Variants in METRNL observed in about 807,000 individuals in gnomAD.
METRNL encodes the protein meteorin-like protein.
In METRNL, 9 loss-of-function variants were observed where a neutral mutation model predicts 17.4. That is an observed-to-expected ratio of 0.52 (90% confidence interval 0.31 to 0.90). The LOEUF (loss-of-function observed/expected upper bound fraction) is 0.90. Ranked by LOEUF, METRNL falls within the 40% of genes least tolerant of loss-of-function variation. The pLI is 0.05. For missense variants in METRNL, 408 were observed against 430.7 expected (o/e 0.95, Z 0.47); for synonymous variants, 215 against 199.3 (o/e 1.08, Z -0.66).
intron 2 of METRNL, among the ~76,000 whole-genome samples, chr17:83,091,433 G>C (rs2038135276): frequency 6.6e-6 from 1 of 152,224 alleles, no homozygotes; most frequent in Non-Finnish European, 1.5e-5. Context: ...GGTCCACAAA[G>C]ACCTGCGCTT....
In METRNL at chr17:83,084,947, G is replaced by A. The variant is rs142958607; in HGVS notation, c.180G>A (p.Thr60=). ...DRCSWKGSGL[T]HEAHRKEVEQ... is the part of the protein sequence containing the mutation. ...TGTCTCTCCTCTGCAGCGGGCTGACGCACGAGGCACACAGGAAGGAGGTGG... is the reference window on the plus strand; with the variant it reads ...TGTCTCTCCTCTGCAGCGGGCTGACACACGAGGCACACAGGAAGGAGGTGG... Residue 60 remains threonine, a synonymous_variant, in exon 2 of 4, where the codon ACG becomes ACA. Coordinates refer to ENST00000320095, the MANE Select transcript of METRNL (RefSeq NM_001004431.3). The A allele has an allele frequency of 4.7e-5, 75 of 1,610,630 alleles. No homozygotes were observed. Among genetic ancestry groups the A allele is most frequent in the African/African-American group, 1.1e-4 (8 of 74,896 alleles).
chr17:83,085,140 G>A lies in METRNL; in HGVS notation c.373G>A (p.Gly125Arg). Residue 125 changes from glycine (G) to arginine (R), a missense_variant, in exon 2 of 4, where the codon GGA (glycine) becomes AGA (arginine). Physicochemically the swap from Gly to Arg is moderately radical, Grantham distance 125. Coordinates refer to ENST00000320095, the MANE Select transcript of METRNL (RefSeq NM_001004431.3). The part of the protein sequence containing the change: ...SGANIYLEKT[G>R]ELRLLVPDGD... ...GGCCAATATTTATTTGGAAAAAACT[G>A]GAGAACTGAGACTGCTGGTACCAGA... 6.2e-7 allele frequency: 1 copy of A among 1,613,538 alleles called. No homozygotes were observed. Among genetic ancestry groups the A allele is most frequent in the Non-Finnish European group, 8.5e-7 (1 of 1,179,950 alleles).
rs1464686183 is a variant in METRNL at position 83,090,130 on chromosome 17, AGCC to A, written c.557-3036_557-3034del. Among the ~76,000 whole-genome samples the A allele has an allele frequency of 4.5e-3, 675 of 148,736 alleles. 33 individuals carry two copies. The highest frequency in any genetic ancestry group is 6.7e-3 in the Non-Finnish European group (447 of 67,104). ...GTGGGCTCCCCTGCCCCAGGGTGGG[AGCC>A]ACACACCCCCGCCCCGCCCCAGGGT... is the stretch of plus-strand genomic sequence containing the variant. On this transcript the variant is annotated intron_variant, in intron 2 of 3. Transcript: ENST00000320095.
chr17:83,089,198 C>T (rs375982303), intron 2 of METRNL, among the ~76,000 whole-genome samples: 7 of 152,224 alleles, frequency 4.6e-5, no homozygotes, highest in Admixed American at 2.0e-4. Context: ...CTTGGGTCCT[C>T]GAGCCCACTG....
chr17:83,085,857 C>T (rs1480944211), intron 2 of METRNL, among the ~76,000 whole-genome samples: 1 of 152,214 alleles, frequency 6.6e-6, no homozygotes, highest in African/African-American at 2.4e-5. Context: ...GGCTAAAGAC[C>T]CTGAAACGTC....
intron 1 of METRNL, chr17:83,084,693 G>A (rs1051899525): frequency 7.6e-5 from 42 of 550,038 alleles, no homozygotes; most frequent in Admixed American, 7.4e-4. Context: ...GCTCGGCCCC[G>A]CCCCACCATG....
chr17:83,091,268 A>G (rs1028646978), intron 2 of METRNL, among the ~76,000 whole-genome samples: 2 of 151,048 alleles, frequency 1.3e-5, no homozygotes, highest in South Asian at 2.1e-4. Context: ...CAGGCTGTGC[A>G]GTTTCTTTTT....
At chr17:83,089,160 G>A (rs2038086701) in intron 2 of METRNL, among the ~76,000 whole-genome samples, 4 of 152,242 alleles carry the variant, frequency 2.6e-5, no homozygotes, top group Admixed American at 2.0e-4. Flanking sequence ...GATGATGGTG[G>A]CCTTGAGGGG....
chr17:83,089,810 G>A (rs2038096438), intron 2 of METRNL, among the ~76,000 whole-genome samples: 1 of 152,146 alleles, frequency 6.6e-6, no homozygotes, highest in Non-Finnish European at 1.5e-5. Flanking sequence ...GTAAAGCTCA[G>A]AATCAGAACA....
At chr17:83,089,593 C>T (rs1352678757) in intron 2 of METRNL, among the ~76,000 whole-genome samples, 1 of 152,100 alleles carries the variant, frequency 6.6e-6, no homozygotes, top group East Asian at 1.9e-4. Flanking sequence ...GTCCACACCC[C>T]AGCCCTCCCC....
chr17:83,087,527 C>A (rs1315550532), intron 2 of METRNL, among the ~76,000 whole-genome samples: 1 of 152,164 alleles, frequency 6.6e-6, no homozygotes, highest in African/African-American at 2.4e-5. Flanking sequence ...GAGGCTGATA[C>A]CTCTCCTCTC....
At chr17:83,090,089 G>A (rs952429987) in intron 2 of METRNL, among the ~76,000 whole-genome samples, 2 of 151,170 alleles carry the variant, frequency 1.3e-5, no homozygotes, top group Non-Finnish European at 3.0e-5. Flanking sequence ...GGGGTGGGAC[G>A]CATGTGGCTG....
chr17:83,081,632 A>C (rs1315075400), intron 1 of METRNL, among the ~76,000 whole-genome samples: 1 of 151,942 alleles, frequency 6.6e-6, no homozygotes, highest in Non-Finnish European at 1.5e-5. Flanking sequence ...CATCGTTGCC[A>C]GTCCTGGCCT....
At chr17:83,080,674 G>A (rs1486937590) in intron 1 of METRNL, among the ~76,000 whole-genome samples, 1 of 145,476 alleles carries the variant, frequency 6.9e-6, no homozygotes, top group Non-Finnish European at 1.5e-5. Context: ...TGCCCCTCGG[G>A]AGCCGCCGCC....
chr17:83,088,274 G>A (rs2038076062), intron 2 of METRNL, among the ~76,000 whole-genome samples: 1 of 152,260 alleles, frequency 6.6e-6, no homozygotes, highest in Non-Finnish European at 1.5e-5. Flanking sequence ...TTCCGGCCGT[G>A]CCCAGACCTG....
At chr17:83,091,383 C>T (rs1310844128) in intron 2 of METRNL, among the ~76,000 whole-genome samples, 2 of 152,250 alleles carry the variant, frequency 1.3e-5, no homozygotes, top group Non-Finnish European at 2.9e-5. Flanking sequence ...GCGGAAAGTG[C>T]TGGCCTTGTC....
At chr17:83,093,712 C>T (rs1268967087) in intron 3 of METRNL, among the ~76,000 whole-genome samples, 2 of 152,262 alleles carry the variant, frequency 1.3e-5, no homozygotes, top group South Asian at 4.1e-4. Context: ...TTGCTTGTGG[C>T]GTTTGCACAG....
chr17:83,087,461 C>A (rs572524897), intron 2 of METRNL, among the ~76,000 whole-genome samples: 7 of 152,242 alleles, frequency 4.6e-5, no homozygotes, highest in Admixed American at 1.3e-4. Context: ...ACCTCCAGGG[C>A]CCTCACGAGA....
chr17:83,084,747 G>A, intron 1 of METRNL, 191 bp from the exon 2 acceptor site: 1 of 611,550 alleles, frequency 1.6e-6, no homozygotes, highest in Non-Finnish European at 2.7e-6. Context: ...TGGGGCCCTT[G>A]TGCCGAAGGG....
Sources: gnomAD v4.1 joint callset for allele counts (sites outside exome capture counted in the v4.1 genomes callset) on GRCh38, gnomAD v4.1.1 for gene constraint, MANE v1.5 for transcripts, NCBI Gene and HGNC (gene_info 2026-07-23, HGNC 2026-07-21) for gene names.